GLRA2: variants seen among roughly 807,000 people sequenced by gnomAD.
GLRA2 encodes glycine receptor alpha 2.
A neutral mutation model predicts 31.6 loss-of-function variants in GLRA2; 11 were observed. The observed-to-expected ratio is 0.35, with a 90% confidence interval of 0.22 to 0.58. GLRA2 has a LOEUF of 0.58. Ranked by LOEUF, GLRA2 falls within the 20% of genes least tolerant of loss-of-function variation. The pLI is 0.84. For synonymous variants in GLRA2, 132 were observed against 134.0 expected (o/e 0.99, Z 0.10); for missense variants, 212 against 351.8 (o/e 0.60, Z 3.18).
At chrX:14,659,079 T>G (rs2090967688) in intron 7 of GLRA2, among the ~76,000 whole-genome samples, 1 of 112,153 alleles carries the variant, frequency 8.9e-6, no homozygotes, top group Admixed American at 9.5e-5. Context: ...ATAGCAGGGG[T>G]CAGTGAGCTA....
the GLRA2 span, among the ~76,000 whole-genome samples, chrX:14,480,994 C>A: frequency 9.1e-6 from 1 of 109,967 alleles, no homozygotes; most frequent in African/African-American, 3.3e-5. Context: ...GATATTGATT[C>A]TTTCAATCCA....
At chrX:14,450,052 G>T in the GLRA2 span, among the ~76,000 whole-genome samples, 5 of 111,904 alleles carry the variant, frequency 4.5e-5, no homozygotes, top group Middle Eastern at 9.2e-3. Context: ...CTTGGGACAA[G>T]TCTAGCTTGT....
At chrX:14,501,359 C>G in the GLRA2 span, among the ~76,000 whole-genome samples, 2 of 112,163 alleles carry the variant, frequency 1.8e-5, no homozygotes, top group Non-Finnish European at 3.8e-5. Context: ...CATGATCCAT[C>G]TCCTATTGTC....
At chrX:14,596,094 C>T (rs1047201832) in intron 4 of GLRA2, among the ~76,000 whole-genome samples, 9 of 111,348 alleles carry the variant, frequency 8.1e-5, no homozygotes, top group African/African-American at 2.9e-4. Context: ...ATGACCAGTA[C>T]CATGAGATTT....
chrX:14,595,207 A>C (rs2090188573), intron 4 of GLRA2, among the ~76,000 whole-genome samples: 1 of 111,683 alleles, frequency 9.0e-6, no homozygotes, highest in Non-Finnish European at 1.9e-5. Context: ...TATTTACACA[A>C]AGAAGGAAAT....
chrX:14,500,787 T>C, the GLRA2 span, among the ~76,000 whole-genome samples: 1 of 111,568 alleles, frequency 9.0e-6, no homozygotes, highest in African/African-American at 3.3e-5. Context: ...CATCCTCATA[T>C]TTTAATTATT....
chrX:14,600,774 C>T (rs2090260663), intron 4 of GLRA2, among the ~76,000 whole-genome samples: 1 of 111,127 alleles, frequency 9.0e-6, no homozygotes, highest in African/African-American at 3.3e-5. Context: ...AATATATCTC[C>T]ATGAAAGAAA....
At chrX:14,576,486 C>T (rs1443242753) in intron 3 of GLRA2, among the ~76,000 whole-genome samples, 1 of 111,660 alleles carries the variant, frequency 9.0e-6, no homozygotes. Context: ...ATCACTGTCA[C>T]CAGCTTTACA....
At chrX:14,706,540 T>C (rs901376953) in intron 8 of GLRA2, among the ~76,000 whole-genome samples, 1 of 112,453 alleles carries the variant, frequency 8.9e-6, no homozygotes, top group Non-Finnish European at 1.9e-5. Flanking sequence ...TTCAATCATA[T>C]AGAGTAATTT....
chrX:14,530,508 C>T (rs1041213139), intron 1 of GLRA2, among the ~76,000 whole-genome samples: 2 of 111,601 alleles, frequency 1.8e-5, no homozygotes, highest in African/African-American at 6.5e-5. Context: ...GGAGCATGCT[C>T]ATTTTAGATA....
intron 7 of GLRA2, among the ~76,000 whole-genome samples, chrX:14,682,095 A>G (rs1203943500): frequency 9.5e-6 from 1 of 104,940 alleles, no homozygotes; most frequent in African/African-American, 3.5e-5. Context: ...GAAGGAACAG[A>G]TAAGTTCAAT....
chrX:14,518,141 C>A, the GLRA2 span, among the ~76,000 whole-genome samples: 1 of 111,413 alleles, frequency 9.0e-6, no homozygotes, highest in African/African-American at 3.3e-5. Flanking sequence ...AAATGTACAC[C>A]AAAATCACAG....
intron 7 of GLRA2, among the ~76,000 whole-genome samples, chrX:14,652,908 A>G (rs1287212009): frequency 8.9e-6 from 1 of 112,122 alleles, no homozygotes; most frequent in Non-Finnish European, 1.9e-5. Context: ...GTAAAAATTC[A>G]GAATAGGTTG....
intron 8 of GLRA2, among the ~76,000 whole-genome samples, chrX:14,724,129 C>A (rs2091898599): frequency 9.0e-6 from 1 of 111,225 alleles, no homozygotes; most frequent in African/African-American, 3.3e-5. Context: ...CTGTGTGTGT[C>A]TTGTGTGTAT....
chrX:14,453,260 T>C, the GLRA2 span, among the ~76,000 whole-genome samples: 183 of 111,710 alleles, frequency 1.6e-3, no homozygotes, highest in African/African-American at 5.5e-3. Flanking sequence ...AGATATTGCC[T>C]CTTTGGGACA....
At chrX:14,545,570 G>GC (rs1275627600) in intron 2 of GLRA2, among the ~76,000 whole-genome samples, 1 of 111,715 alleles carries the variant, frequency 9.0e-6, no homozygotes, top group African/African-American at 3.3e-5. Flanking sequence ...ATTGAGGTTG[G>GC]CAGTCTTAGA....
chrX:14,695,349 CA>C (rs1048336794), intron 8 of GLRA2, among the ~76,000 whole-genome samples: 26 of 110,891 alleles, frequency 2.3e-4, no homozygotes, highest in African/African-American at 8.2e-4. Flanking sequence ...ATATTTTTTC[CA>C]AAATGGAAGA....
intron 7 of GLRA2, among the ~76,000 whole-genome samples, chrX:14,632,306 C>G (rs2090659712): frequency 9.0e-6 from 1 of 111,199 alleles, no homozygotes; most frequent in Non-Finnish European, 1.9e-5. Context: ...GTGGCAATCA[C>G]TGCCATGGTT....
At chrX:14,452,769 G>A in the GLRA2 span, among the ~76,000 whole-genome samples, 11 of 111,963 alleles carry the variant, frequency 9.8e-5, no homozygotes, top group African/African-American at 3.6e-4. Flanking sequence ...AGAGTATGCA[G>A]GTACAGTGGC....
Sources: allele counts gnomAD v4.1 joint callset (sites outside exome capture counted in the v4.1 genomes callset), GRCh38; gene constraint gnomAD v4.1.1; transcripts MANE v1.5; gene names NCBI Gene and HGNC (gene_info 2026-07-23, HGNC 2026-07-21).